The following ANXA8 variants were observed in gnomAD, a reference collection of about 807,000 sequenced individuals.
ANXA8 encodes annexin A8, also known as VAC-beta.
ANXA8 carries 9 observed loss-of-function variants against 26.8 expected under a neutral mutation model. That is an observed-to-expected ratio of 0.34 (90% confidence interval 0.20 to 0.59). The LOEUF (loss-of-function observed/expected upper bound fraction) is 0.59, where lower values mean the gene tolerates loss of function less well. ANXA8 is among the 20% of genes least tolerant of loss of function. The pLI is 0.84. For missense variants in ANXA8, 83 were observed against 238.5 expected, an observed-to-expected ratio of 0.35 and a Z score of 4.29; for synonymous variants, 39 against 94.8, an observed-to-expected ratio of 0.41 and a Z score of 3.42.
the ANXA8 span, among the ~76,000 whole-genome samples, chr10:47,569,003 G>A: frequency 2.2e-3 from 96 of 44,058 alleles, 41 homozygotes; most frequent in Middle Eastern, 0.031. Context: ...ACGCACACCT[G>A]TAATCCTAGC....
chr10:47,954,203 T>A, the ANXA8 span, among the ~76,000 whole-genome samples: 2 of 150,636 alleles, frequency 1.3e-5, no homozygotes, highest in African/African-American at 4.9e-5. Flanking sequence ...TGGAGTACGA[T>A]TCAGCCATAA....
At chr10:47,768,109 C>T in the ANXA8 span, among the ~76,000 whole-genome samples, 1 of 150,816 alleles carries the variant, frequency 6.6e-6, no homozygotes, top group African/African-American at 2.5e-5. Context: ...GCTTGTCCTT[C>T]CTCAATCGTC....
intron 9 of ANXA8, 28 bp downstream of exon 9, chr10:47,473,942 T>G: frequency 2.3e-6 from 1 of 438,086 alleles, no homozygotes; most frequent in Non-Finnish European, 3.8e-6. Flanking sequence ...CCCTGTGGCC[T>G]GAAAAACGTG....
the ANXA8 span, among the ~76,000 whole-genome samples, chr10:47,590,751 C>G: frequency 7.0e-6 from 1 of 143,824 alleles, no homozygotes; most frequent in Non-Finnish European, 1.5e-5. Context: ...GACAGAGGAA[C>G]TGAAACCCAC....
the ANXA8 span, among the ~76,000 whole-genome samples, chr10:47,907,203 A>G: frequency 4.6e-5 from 7 of 151,776 alleles, no homozygotes; most frequent in Admixed American, 6.6e-5. Context: ...AAAATACAAA[A>G]AAAATTAGCC....
chr10:47,633,881 G>A, the ANXA8 span, among the ~76,000 whole-genome samples: 1 of 145,126 alleles, frequency 6.9e-6, no homozygotes, highest in Non-Finnish European at 1.5e-5. Context: ...ATTATTTAAA[G>A]CAAGGCACTG....
the ANXA8 span, among the ~76,000 whole-genome samples, chr10:47,499,163 G>C: frequency 5.8e-4 from 75 of 129,016 alleles, 4 homozygotes; most frequent in East Asian, 4.4e-3. Flanking sequence ...TAGATGAATT[G>C]TTGGAACTGG....
At chr10:47,901,876 TC>T in the ANXA8 span, among the ~76,000 whole-genome samples, 1 of 151,266 alleles carries the variant, frequency 6.6e-6, no homozygotes, top group Non-Finnish European at 1.5e-5. Context: ...GTTGGTTTTT[TC>T]TTATTTGGAT....
chr10:47,957,213 G>A, the ANXA8 span, among the ~76,000 whole-genome samples: 4 of 150,270 alleles, frequency 2.7e-5, no homozygotes, highest in Non-Finnish European at 4.4e-5. Context: ...CTGTCTCAGA[G>A]GAGAGAGATT....
chr10:47,673,903 T>C, the ANXA8 span, among the ~76,000 whole-genome samples: 1 of 149,058 alleles, frequency 6.7e-6, no homozygotes, highest in Non-Finnish European at 1.5e-5. Flanking sequence ...TTTATTTACC[T>C]AATGTTTTGG....
chr10:47,628,751 A>G, the ANXA8 span, among the ~76,000 whole-genome samples: 1 of 149,860 alleles, frequency 6.7e-6, no homozygotes, highest in Non-Finnish European at 1.5e-5. Context: ...GTCATTCAAA[A>G]CCAATACATC....
chr10:47,651,653 G>A, the ANXA8 span, among the ~76,000 whole-genome samples: 346 of 150,142 alleles, frequency 2.3e-3, no homozygotes, highest in African/African-American at 8.1e-3. Flanking sequence ...CCAGCGCTTT[G>A]GAAGGCCGAG....
chr10:47,777,927 C>T, the ANXA8 span, among the ~76,000 whole-genome samples: 3 of 151,572 alleles, frequency 2.0e-5, no homozygotes, highest in African/African-American at 7.3e-5. Context: ...GCCTGGGCTG[C>T]ATAGCTTTTG....
At chr10:47,957,821 T>C in the ANXA8 span, among the ~76,000 whole-genome samples, 1 of 149,362 alleles carries the variant, frequency 6.7e-6, no homozygotes, top group Non-Finnish European at 1.5e-5. Flanking sequence ...TGTGTGTCTC[T>C]CCTTTTCTGT....
At chr10:47,653,972 G>A in the ANXA8 span, among the ~76,000 whole-genome samples, 1 of 150,806 alleles carries the variant, frequency 6.6e-6, no homozygotes, top group Non-Finnish European at 1.5e-5. Context: ...CAATGGGAAT[G>A]GGTAGGAACA....
At chr10:47,733,223 CTTTCTT>C in the ANXA8 span, among the ~76,000 whole-genome samples, 1,039 of 62,056 alleles carry the variant, frequency 0.017, 5 homozygotes, top group African/African-American at 0.042. Context: ...CTTTCTTTCT[CTTTCTT>C]TCTCTCTTTC....
the ANXA8 span, among the ~76,000 whole-genome samples, chr10:47,937,549 G>T: frequency 7.1e-6 from 1 of 141,842 alleles, no homozygotes; most frequent in Non-Finnish European, 1.6e-5. Flanking sequence ...TTGTTGCACA[G>T]ATTATTTAAT....
the ANXA8 span, among the ~76,000 whole-genome samples, chr10:47,724,766 A>G: frequency 7.1e-6 from 1 of 140,518 alleles, no homozygotes; most frequent in Non-Finnish European, 1.6e-5. Flanking sequence ...TGTAGCTATC[A>G]CCACAACCAG....
chr10:47,688,970 C>T, the ANXA8 span, among the ~76,000 whole-genome samples: 4 of 115,454 alleles, frequency 3.5e-5, no homozygotes, highest in African/African-American at 6.3e-5. Context: ...AAAAATTAGC[C>T]GGGCATGGTG....
Sources: allele counts gnomAD v4.1 joint callset (sites outside exome capture counted in the v4.1 genomes callset), GRCh38; gene constraint gnomAD v4.1.1; transcripts MANE v1.5; gene names NCBI Gene and HGNC (gene_info 2026-07-23, HGNC 2026-07-21).